The following ABCA13 variants were observed in gnomAD, a reference collection of about 807,000 sequenced individuals.
ABCA13 encodes the protein ATP binding cassette subfamily A member 13, also known as ATP-binding cassette sub-family A member 13.
A neutral mutation model predicts 478.7 loss-of-function variants in ABCA13; 476 were observed. The ratio of observed to expected loss-of-function variants is 0.99; its 90% confidence interval spans 0.92 to 1.07. ABCA13 has a LOEUF of 1.07. Among genes scored for constraint, ABCA13 ranks in the 50% least tolerant of loss-of-function variants. The probability of loss-of-function intolerance (pLI) is 0.00; values close to 1 mark genes in which losing one functional copy is unlikely to be tolerated. For synonymous variants in ABCA13, 2,252 were observed against 2,158.9 expected (o/e 1.04, Z -1.20); for missense variants, 6,060 against 5,910.6 (o/e 1.03, Z -0.83).
chr7:48,391,917 G>A lies in ABCA13; in HGVS notation c.11655-4G>A. ...TCTCCATGCTGTCTTATTTTCTCTG[G>A]CAGATCCATGTTGACGGGGCTCCAC... On this transcript the variant is annotated splice_polypyrimidine_tract_variant and splice_region_variant and intron_variant, in intron 37 of 61. Coordinates refer to ENST00000435803, the MANE Select transcript of ABCA13 (RefSeq NM_152701.5). The A allele has an allele frequency of 1.2e-6, 2 of 1,613,240 alleles. No homozygotes were observed. The highest frequency in any genetic ancestry group is 1.7e-6 in the Non-Finnish European group (2 of 1,179,488).
At chr7:48,315,604 C>T (rs1455142681) in intron 26 of ABCA13, among the ~76,000 whole-genome samples, 4 of 152,122 alleles carry the variant, frequency 2.6e-5, no homozygotes, top group East Asian at 1.9e-4. Flanking sequence ...CTCAGCCTCC[C>T]GAGTAGCTGG....
chr7:48,494,200 A>G (rs898979373), intron 48 of ABCA13, among the ~76,000 whole-genome samples: 1 of 152,216 alleles, frequency 6.6e-6, no homozygotes, highest in Non-Finnish European at 1.5e-5. Flanking sequence ...GATGGGACAG[A>G]GATGAAATGA....
chr7:48,221,256 A>G (rs1301240476), intron 4 of ABCA13, 25 bp from the exon 5 acceptor site: 2 of 1,089,658 alleles, frequency 1.8e-6, no homozygotes, highest in African/African-American at 1.6e-5. Flanking sequence ...TTGAACTAAT[A>G]TCTCTTAAAC....
chr7:48,438,740 C>G (rs570386261), intron 42 of ABCA13, among the ~76,000 whole-genome samples: 54 of 152,066 alleles, frequency 3.6e-4, no homozygotes, highest in African/African-American at 1.3e-3. Flanking sequence ...GCTCTCCTCT[C>G]TCATTTTACT....
intron 41 of ABCA13, among the ~76,000 whole-genome samples, chr7:48,424,348 A>T (rs925077706): frequency 2.0e-5 from 3 of 152,248 alleles, no homozygotes; most frequent in African/African-American, 7.2e-5. Flanking sequence ...ACCTTTCGGT[A>T]TAAATAGTGA....
At chr7:48,469,915 A>G (rs546026554) in intron 44 of ABCA13, among the ~76,000 whole-genome samples, 2 of 143,988 alleles carry the variant, frequency 1.4e-5, no homozygotes, top group East Asian at 4.2e-4. Flanking sequence ...GTGAGACTCC[A>G]TCTCAAAAAA....
chr7:48,579,337 C>T lies in ABCA13; in HGVS notation c.14355-887C>T, dbSNP rs1788481602. The stretch of plus-strand genomic sequence containing the variant: ...GTGAAAGATATGAACAGATGTATCA[C>T]CAAAGAAGACAGATGCAAATAAGTT... On this transcript the variant is annotated intron_variant, in intron 55 of 61. Coordinates refer to ENST00000435803, the MANE Select transcript of ABCA13 (RefSeq NM_152701.5). Among the ~76,000 whole-genome samples, 3 of 152,124 alleles carry T rather than the reference C, an allele frequency of 2.0e-5. No homozygotes were observed. The South Asian group carries it at 6.2e-4, about 31-fold the overall frequency.
chr7:48,314,051 G>T (rs1447207636), intron 25 of ABCA13, among the ~76,000 whole-genome samples, 181 bp from the exon 26 acceptor site: 2 of 151,900 alleles, frequency 1.3e-5, no homozygotes, highest in Admixed American at 1.3e-4. Context: ...GGCCAGAAAA[G>T]TTACCGTAGT....
At chr7:48,547,092 T>C (rs2131166565) in intron 55 of ABCA13, among the ~76,000 whole-genome samples, 1 of 152,074 alleles carries the variant, frequency 6.6e-6, no homozygotes, top group Non-Finnish European at 1.5e-5. Context: ...TCTATGTTTG[T>C]ATGTATCAAT....
At chr7:48,535,057 C>T (rs777291630) in intron 55 of ABCA13, among the ~76,000 whole-genome samples, 13 of 152,244 alleles carry the variant, frequency 8.5e-5, no homozygotes, top group Middle Eastern at 3.4e-3. Flanking sequence ...TGAGCTGATA[C>T]GATCTTTTAG....
intron 11 of ABCA13, 63 bp from the exon 12 acceptor site, chr7:48,245,449 C>A: frequency 2.4e-6 from 3 of 1,252,472 alleles, no homozygotes; most frequent in Non-Finnish European, 3.4e-6. Context: ...TGATTCATGG[C>A]CATGTATAAA....
At chr7:48,631,835 A>T (rs949958882) in intron 59 of ABCA13, among the ~76,000 whole-genome samples, 3 of 152,168 alleles carry the variant, frequency 2.0e-5, no homozygotes, top group African/African-American at 7.2e-5. Context: ...TGTGCCATAT[A>T]TGATTTCTTT....
intron 41 of ABCA13, 89 bp downstream of exon 41, chr7:48,412,672 A>C: frequency 9.9e-6 from 8 of 807,938 alleles, no homozygotes; most frequent in Non-Finnish European, 1.0e-5. Context: ...AGGGGGGGAG[A>C]TGTGGGTAAG....
intron 57 of ABCA13, 78 bp downstream of exon 57, chr7:48,587,366 C>T: frequency 7.0e-7 from 1 of 1,435,528 alleles, no homozygotes; most frequent in Non-Finnish European, 9.2e-7. Context: ...AAGGGTTTTT[C>T]TGGGAAGTAA....
intron 15 of ABCA13, among the ~76,000 whole-genome samples, chr7:48,254,767 C>T (rs372102786): frequency 2.0e-5 from 3 of 152,084 alleles, no homozygotes; most frequent in African/African-American, 7.2e-5. Flanking sequence ...TGGGGTGTAG[C>T]CTTCTGGGGG....
At chr7:48,354,173 G>A (rs1417073027) in intron 31 of ABCA13, among the ~76,000 whole-genome samples, 26 of 151,998 alleles carry the variant, frequency 1.7e-4, no homozygotes, top group Admixed American at 1.7e-3. Context: ...AGGCAAACCT[G>A]AAATCTATTG....
rs747211981 is a variant in ABCA13, at chr7:48,387,837, G to A, written c.11351G>A (p.Arg3784Gln). ...SNLIPGTFGL[R>Q]KPWYFPFTAS... ...CATTTTTTAGGAACATTTGGTTTAC[G>A]GAAACCATGGTATTTCCCCTTTACT... Residue 3784 changes from arginine (R) to glutamine (Q), a missense_variant, in exon 36 of 62, where the codon CGG (arginine) becomes CAG (glutamine). Physicochemically the swap from Arg to Gln is conservative, Grantham distance 43. Transcript: ENST00000435803. 1.6e-5 allele frequency: 25 copies of A among 1,578,880 alleles called. No individual in the cohort carries two copies. Among genetic ancestry groups the A allele is most frequent in the Admixed American group, 3.9e-5 (2 of 51,458 alleles).
At chr7:48,449,835 G>T in intron 42 of ABCA13, among the ~76,000 whole-genome samples, 1 of 152,156 alleles carries the variant, frequency 6.6e-6, no homozygotes, top group East Asian at 1.9e-4. Context: ...GCATATTTCT[G>T]TCCCATAATC....
chr7:48,233,202 A>T (rs956112709), intron 7 of ABCA13, among the ~76,000 whole-genome samples: 1 of 152,162 alleles, frequency 6.6e-6, no homozygotes, highest in Non-Finnish European at 1.5e-5. Flanking sequence ...CACTGCAATT[A>T]TAAGGATCCT....
Sources: allele counts gnomAD v4.1 joint callset (sites outside exome capture counted in the v4.1 genomes callset), GRCh38; gene constraint gnomAD v4.1.1; transcripts MANE v1.5; gene names NCBI Gene and HGNC (gene_info 2026-07-23, HGNC 2026-07-21).